Variants in TMEM132C observed in about 807,000 individuals in gnomAD.
TMEM132C encodes transmembrane protein 132C.
Under a neutral mutation model 61.4 loss-of-function variants are expected in TMEM132C, and 29 were observed. That is an observed-to-expected ratio of 0.47 (90% CI 0.35 to 0.64). TMEM132C has a LOEUF of 0.64. Among genes scored for constraint, TMEM132C ranks in the 30% least tolerant of loss-of-function variants. TMEM132C has a pLI of 0.00. For missense variants in TMEM132C, 1,408 were observed against 1,476.9 expected (o/e 0.95, Z 0.76); for synonymous variants, 656 against 633.1 (o/e 1.04, Z -0.54).
chr12:128,668,078 G>A (rs1954496965), intron 4 of TMEM132C, among the ~76,000 whole-genome samples: 1 of 152,152 alleles, frequency 6.6e-6, no homozygotes, highest in Non-Finnish European at 1.5e-5. Flanking sequence ...TTCAAGACCA[G>A]CCTGGACAAC....
At chr12:128,439,218 A>G (rs1296779796) in intron 2 of TMEM132C, 1 of 156,716 alleles carries the variant, frequency 6.4e-6, no homozygotes, top group Non-Finnish European at 1.4e-5. Context: ...ACCTTGAAGC[A>G]TCTATTTGCC....
At chr12:128,320,710 G>A (rs1044442902) in intron 1 of TMEM132C, among the ~76,000 whole-genome samples, 2 of 151,840 alleles carry the variant, frequency 1.3e-5, no homozygotes, top group Non-Finnish European at 2.9e-5. Flanking sequence ...GAGATAAGAG[G>A]TCAAGGCTGC....
intron 1 of TMEM132C, among the ~76,000 whole-genome samples, chr12:128,395,172 CAG>C (rs1199772143): frequency 2.0e-5 from 3 of 150,156 alleles, no homozygotes; most frequent in Middle Eastern, 3.5e-3. Context: ...ATGGTAATAA[CAG>C]AATACTAAAT....
At chr12:128,443,141 T>A (rs939235694) in intron 2 of TMEM132C, among the ~76,000 whole-genome samples, 2 of 148,482 alleles carry the variant, frequency 1.3e-5, no homozygotes, top group African/African-American at 2.5e-5. Context: ...ATATATATAT[T>A]GAGAGAGAGA....
At chr12:128,431,550 C>CTTTTTTTTT (rs386378189) in intron 2 of TMEM132C, among the ~76,000 whole-genome samples, 1 of 98,906 alleles carries the variant, frequency 1.0e-5, no homozygotes, top group Admixed American at 1.2e-4. Context: ...CCATCTAGGA[C>CTTTTTTTTT]TTTTTTTTTT....
intron 1 of TMEM132C, among the ~76,000 whole-genome samples, chr12:128,336,003 A>C (rs1312127205): frequency 6.6e-6 from 1 of 152,246 alleles, no homozygotes; most frequent in Non-Finnish European, 1.5e-5. Context: ...GACCAATGGA[A>C]AGAAAAGTTT....
chr12:128,495,339 G>A (rs1049867919), intron 2 of TMEM132C, among the ~76,000 whole-genome samples: 5 of 151,974 alleles, frequency 3.3e-5, no homozygotes, highest in Admixed American at 6.6e-5. Flanking sequence ...AGTTCTGTAG[G>A]TGTCTATTAG....
chr12:128,497,259 A>T (rs1458565477), intron 2 of TMEM132C, among the ~76,000 whole-genome samples: 4 of 152,208 alleles, frequency 2.6e-5, no homozygotes, highest in Non-Finnish European at 5.9e-5. Context: ...GGTGCCTCCC[A>T]GTTAGGCTAC....
intron 1 of TMEM132C, among the ~76,000 whole-genome samples, chr12:128,351,443 G>A (rs2135962945): frequency 6.6e-6 from 1 of 152,272 alleles, no homozygotes; most frequent in African/African-American, 2.4e-5. Context: ...ATATATGAAT[G>A]TATGCTACTT....
At chr12:128,554,767 A>ACGCTCCTGTATTT (rs1874279121) in intron 3 of TMEM132C, among the ~76,000 whole-genome samples, 1 of 152,126 alleles carries the variant, frequency 6.6e-6, no homozygotes, top group Non-Finnish European at 1.5e-5. Context: ...CATCGCACAG[A>ACGCTCCTGTATTT]CGCTCCTGTA....
intron 2 of TMEM132C, among the ~76,000 whole-genome samples, chr12:128,446,430 A>G (rs1286307874): frequency 6.6e-6 from 1 of 152,266 alleles, no homozygotes; most frequent in African/African-American, 2.4e-5. Flanking sequence ...TCCGTAAGAA[A>G]GTCTAACTCC....
chr12:128,544,633 C>T (rs1172004024), intron 3 of TMEM132C, among the ~76,000 whole-genome samples: 1 of 110,146 alleles, frequency 9.1e-6, no homozygotes, highest in Non-Finnish European at 2.1e-5. Flanking sequence ...ATGAGGAAAG[C>T]ACAATTATAG....
At chr12:128,497,079 G>T (rs1042826202) in intron 2 of TMEM132C, among the ~76,000 whole-genome samples, 1 of 152,224 alleles carries the variant, frequency 6.6e-6, no homozygotes, top group Non-Finnish European at 1.5e-5. Flanking sequence ...AGGTCTGTTG[G>T]AGTTTGCTGG....
chr12:128,607,572 G>T (rs1397722124), intron 3 of TMEM132C, among the ~76,000 whole-genome samples: 2 of 152,180 alleles, frequency 1.3e-5, no homozygotes, highest in Admixed American at 1.3e-4. Flanking sequence ...AACGAAGGTG[G>T]TGGGAAGTGC....
At chr12:128,558,725 C>T (rs1874411432) in intron 3 of TMEM132C, among the ~76,000 whole-genome samples, 1 of 152,254 alleles carries the variant, frequency 6.6e-6, no homozygotes, top group Non-Finnish European at 1.5e-5. Flanking sequence ...GGCTGGTTGG[C>T]TCTGGCCTTT....
At chr12:128,335,583 T>C (rs1872772164) in intron 1 of TMEM132C, among the ~76,000 whole-genome samples, 1 of 152,210 alleles carries the variant, frequency 6.6e-6, no homozygotes, top group African/African-American at 2.4e-5. Flanking sequence ...TTGATTATCA[T>C]TGTAGCTCAT....
intron 3 of TMEM132C, among the ~76,000 whole-genome samples, chr12:128,564,391 C>T (rs1418176632): frequency 6.6e-6 from 1 of 152,192 alleles, no homozygotes; most frequent in African/African-American, 2.4e-5. Context: ...ACAGCATCAT[C>T]TCCAGCAGTG....
At chr12:128,432,031 C>G (rs984823172) in intron 2 of TMEM132C, among the ~76,000 whole-genome samples, 1 of 152,190 alleles carries the variant, frequency 6.6e-6, no homozygotes, top group Non-Finnish European at 1.5e-5. Flanking sequence ...AAGCCTGTAA[C>G]AGCACATTTG....
chr12:128,362,096 C>G (rs1873724533), intron 1 of TMEM132C, among the ~76,000 whole-genome samples: 1 of 152,060 alleles, frequency 6.6e-6, no homozygotes, highest in Non-Finnish European at 1.5e-5. Flanking sequence ...GCTGCTGTCC[C>G]CAGTCAGACT....
Sources: gnomAD v4.1 joint callset for allele counts (sites outside exome capture counted in the v4.1 genomes callset) on GRCh38, gnomAD v4.1.1 for gene constraint, MANE v1.5 for transcripts, NCBI Gene and HGNC (gene_info 2026-07-23, HGNC 2026-07-21) for gene names.